Variants in AGBL1 observed in about 807,000 individuals in gnomAD.
AGBL1 encodes AGBL carboxypeptidase 1.
AGBL1 carries 130 observed loss-of-function variants against 118.9 expected under a neutral mutation model. The ratio of observed to expected loss-of-function variants is 1.09; its 90% CI spans 0.95 to 1.26. The LOEUF is 1.26. AGBL1 is among the 50% of genes most tolerant of loss of function. The pLI, the probability that AGBL1 is intolerant of heterozygous loss-of-function variation, is 0.00. For synonymous variants in AGBL1, 555 were observed against 478.9 expected, an observed-to-expected ratio of 1.16 and a Z score of -2.08; for missense variants, 1,584 against 1,298.1, an observed-to-expected ratio of 1.22 and a Z score of -3.38.
At chr15:86,512,410 G>C (rs1478764150) in intron 18 of AGBL1, among the ~76,000 whole-genome samples, 1 of 151,350 alleles carries the variant, frequency 6.6e-6, no homozygotes, top group East Asian at 1.9e-4. Flanking sequence ...TCATTGTCTC[G>C]CATTTTCTTT....
chr15:86,407,798 C>G (rs1056653799), intron 18 of AGBL1, among the ~76,000 whole-genome samples: 2 of 152,126 alleles, frequency 1.3e-5, no homozygotes, highest in Non-Finnish European at 2.9e-5. Context: ...GTCTGTGGAT[C>G]CTTCCAAGCT....
intron 18 of AGBL1, among the ~76,000 whole-genome samples, chr15:86,427,234 G>T (rs1420783674): frequency 6.6e-6 from 1 of 152,210 alleles, no homozygotes; most frequent in East Asian, 1.9e-4. Flanking sequence ...TTTGTGAAAT[G>T]AAATTATAAA....
At chr15:86,473,243 T>C (rs2082504337) in intron 18 of AGBL1, among the ~76,000 whole-genome samples, 1 of 152,204 alleles carries the variant, frequency 6.6e-6, no homozygotes, top group Non-Finnish European at 1.5e-5. Context: ...CCAGTCTAGA[T>C]GGCTTTCCAG....
At chr15:86,352,893 C>A (rs188673058) in intron 17 of AGBL1, among the ~76,000 whole-genome samples, 1 of 152,138 alleles carries the variant, frequency 6.6e-6, no homozygotes, top group Non-Finnish European at 1.5e-5. Context: ...GTTATGACAA[C>A]CTCTTAAGTT....
intron 24 of AGBL1, among the ~76,000 whole-genome samples, chr15:86,999,811 C>T (rs1189368582): frequency 7.3e-6 from 1 of 137,192 alleles, no homozygotes; most frequent in African/African-American, 2.8e-5. Flanking sequence ...CACTGACTTC[C>T]ACAATGGTTG....
chr15:86,755,751 T>C (rs1014260382), intron 22 of AGBL1, among the ~76,000 whole-genome samples: 2 of 152,134 alleles, frequency 1.3e-5, no homozygotes, highest in Non-Finnish European at 2.9e-5. Flanking sequence ...TTTTAGTTCT[T>C]CCCAGCTATT....
intron 18 of AGBL1, among the ~76,000 whole-genome samples, chr15:86,510,540 G>C (rs539097044): frequency 9.2e-5 from 14 of 152,158 alleles, no homozygotes; most frequent in Admixed American, 7.2e-4. Flanking sequence ...CTTTTTTGCA[G>C]TAGGGATAGA....
intron 17 of AGBL1, chr15:86,316,857 C>T (rs1466046296): frequency 2.6e-5 from 4 of 152,258 alleles, no homozygotes; most frequent in Non-Finnish European, 4.4e-5. Context: ...CGGTCTTGAT[C>T]CTTGACTTCC....
chr15:86,905,732 G>A (rs2080272372), intron 22 of AGBL1, among the ~76,000 whole-genome samples: 1 of 152,158 alleles, frequency 6.6e-6, no homozygotes, highest in African/African-American at 2.4e-5. Flanking sequence ...GACATTGCAT[G>A]ACACTGACAC....
At chr15:86,855,277 A>C (rs1263302492) in intron 22 of AGBL1, among the ~76,000 whole-genome samples, 1 of 152,258 alleles carries the variant, frequency 6.6e-6, no homozygotes, top group African/African-American at 2.4e-5. Context: ...GGGGGTAGAC[A>C]CTGAAGAATA....
chr15:86,499,515 A>G lies in AGBL1; in HGVS notation c.2556-23295A>G, dbSNP rs548620143. ...AAGAATCAAATCTGTGGAAAGGATTACCACAAAGAGGTTGCCTGGTAGGAG... is the reference window on the plus strand; with the variant it reads ...AAGAATCAAATCTGTGGAAAGGATTGCCACAAAGAGGTTGCCTGGTAGGAG... On this transcript the variant is annotated intron_variant, in intron 18 of 22. Transcript: ENST00000614907. Among the ~76,000 whole-genome samples, 366 of 152,000 alleles carry G rather than the reference A, an allele frequency of 2.4e-3. 1 individual carries two copies. The highest frequency in any genetic ancestry group is 8.4e-3 in the African/African-American group (347 of 41,534).
At chr15:86,424,169 G>T (rs907647584) in intron 18 of AGBL1, among the ~76,000 whole-genome samples, 1 of 152,114 alleles carries the variant, frequency 6.6e-6, no homozygotes, top group Non-Finnish European at 1.5e-5. Flanking sequence ...GCATGGTAAT[G>T]GTACTGGTAC....
At chr15:86,245,418 G>A (rs1333833799) in intron 6 of AGBL1, among the ~76,000 whole-genome samples, 1 of 152,126 alleles carries the variant, frequency 6.6e-6, no homozygotes, top group African/African-American at 2.4e-5. Flanking sequence ...GTGAGAGAAC[G>A]GAGCTACAAA....
At chr15:86,511,509 G>A (rs1330939311) in intron 18 of AGBL1, among the ~76,000 whole-genome samples, 2 of 151,986 alleles carry the variant, frequency 1.3e-5, no homozygotes. Context: ...TGTCCTCTCT[G>A]TTACATAGTT....
At chr15:86,167,547 G>A (rs2077359008) in intron 5 of AGBL1, among the ~76,000 whole-genome samples, 1 of 152,186 alleles carries the variant, frequency 6.6e-6, no homozygotes, top group South Asian at 2.1e-4. Flanking sequence ...TGCCTGGCCC[G>A]GGAACTGATA....
intron 18 of AGBL1, among the ~76,000 whole-genome samples, chr15:86,460,565 C>A (rs1254221383): frequency 4.6e-5 from 7 of 152,108 alleles, no homozygotes; most frequent in Admixed American, 3.3e-4. Flanking sequence ...AAACATACAG[C>A]TTCCCAGGTT....
chr15:86,603,616 C>G (rs2437806), intron 21 of AGBL1, among the ~76,000 whole-genome samples: 86,615 of 151,956 alleles, frequency 0.57, 25,753 homozygotes, highest in East Asian at 0.75. Flanking sequence ...TGTTTTCAGA[C>G]AGAAGTATTG....
At chr15:86,709,063 C>T (rs2086507176) in intron 22 of AGBL1, among the ~76,000 whole-genome samples, 1 of 152,128 alleles carries the variant, frequency 6.6e-6, no homozygotes. Flanking sequence ...AATTCCAATT[C>T]ACTTCACTAC....
At chr15:86,838,748 A>G (rs1447946059) in intron 22 of AGBL1, among the ~76,000 whole-genome samples, 2 of 151,728 alleles carry the variant, frequency 1.3e-5, no homozygotes, top group African/African-American at 4.8e-5. Context: ...GAGACCAGCC[A>G]GGGCAACATA....
Sources: allele counts gnomAD v4.1 joint callset (sites outside exome capture counted in the v4.1 genomes callset), GRCh38; gene constraint gnomAD v4.1.1; transcripts MANE v1.5; gene names NCBI Gene and HGNC (gene_info 2026-07-23, HGNC 2026-07-21).